The following ADCY1 variants were observed in gnomAD, a reference collection of about 807,000 sequenced individuals.
The protein encoded by ADCY1 is adenylate cyclase type 1.
Under a neutral mutation model 105.4 loss-of-function variants are expected in ADCY1, and 28 were observed. That is an observed-to-expected ratio of 0.27 (90% CI 0.20 to 0.36). The LOEUF (loss-of-function observed/expected upper bound fraction) is 0.36, where lower values mean the gene tolerates loss of function less well. Among genes scored for constraint, ADCY1 ranks in the 10% least tolerant of loss-of-function variants. The pLI, the probability that ADCY1 is intolerant of heterozygous loss-of-function variation, is 1.00. For synonymous variants in ADCY1, 655 were observed against 623.8 expected (o/e 1.05, Z -0.75); for missense variants, 977 against 1,434.2 (o/e 0.68, Z 5.15).
At chr7:45,680,886 G>C (rs1002420519) in intron 11 of ADCY1, among the ~76,000 whole-genome samples, 2 of 152,252 alleles carry the variant, frequency 1.3e-5, no homozygotes, top group African/African-American at 4.8e-5. Context: ...CATTGGGCAA[G>C]AAGAGCGATG....
Position 45,708,318 on chromosome 7 carries a change from C to T in ADCY1, c.2818-32C>T, listed in dbSNP as rs761733883. The T allele has an allele frequency of 3.9e-6, 6 of 1,548,536 alleles. No homozygotes were observed. Among genetic ancestry groups the T allele is most frequent in the Admixed American group, 3.3e-5 (2 of 59,734 alleles). On this transcript the variant is annotated intron_variant, in intron 17 of 19. Transcript: ENST00000297323. The surrounding 1 kb of genome is among the most constrained non-coding windows in gnomAD (Gnocchi z 4.7). The stretch of plus-strand genomic sequence containing the variant: ...TGGCCCCCTCTTGCCTTGCACTCCC[C>T]AGATGTAATGACCCCATCTGTTTAC...
At chr7:45,639,480 G>A (rs1321306546) in intron 4 of ADCY1, among the ~76,000 whole-genome samples, 2 of 152,194 alleles carry the variant, frequency 1.3e-5, no homozygotes, top group Admixed American at 1.3e-4. Flanking sequence ...AGACTGTGGG[G>A]CAGCATGGAG....
intron 1 of ADCY1, among the ~76,000 whole-genome samples, chr7:45,578,744 G>C (rs1244567332): frequency 6.6e-6 from 1 of 152,204 alleles, no homozygotes; most frequent in African/African-American, 2.4e-5. Flanking sequence ...GGGAGAACCA[G>C]GGTGCAGCAC....
chr7:45,659,206 A>T (rs904468364), intron 6 of ADCY1, among the ~76,000 whole-genome samples: 1 of 152,212 alleles, frequency 6.6e-6, no homozygotes, highest in African/African-American at 2.4e-5. Flanking sequence ...TCAGGATCCC[A>T]GTGAGCATGG....
chr7:45,652,543 CT>C (rs1318807469), intron 5 of ADCY1, among the ~76,000 whole-genome samples: 1 of 152,212 alleles, frequency 6.6e-6, no homozygotes, highest in Non-Finnish European at 1.5e-5. Flanking sequence ...TGTTTTATCG[CT>C]TTGAAGAATG....
At chr7:45,673,624 T>C (rs747534854) in intron 8 of ADCY1, among the ~76,000 whole-genome samples, 5 of 152,106 alleles carry the variant, frequency 3.3e-5, no homozygotes, top group African/African-American at 7.2e-5. Context: ...AAAATTTCAT[T>C]TTATTTCTGA....
intron 8 of ADCY1, among the ~76,000 whole-genome samples, chr7:45,670,965 C>T (rs1371863832): frequency 2.0e-5 from 3 of 152,252 alleles, no homozygotes; most frequent in African/African-American, 4.8e-5. Flanking sequence ...ACAAGCCCAA[C>T]CTCAGGTAGA....
At chr7:45,665,873 A>T (rs763543524) in intron 8 of ADCY1, among the ~76,000 whole-genome samples, 3 of 152,184 alleles carry the variant, frequency 2.0e-5, no homozygotes, top group Non-Finnish European at 4.4e-5. Context: ...TGGTGTCATG[A>T]ACATCTTTTT....
rs1057196816 is a variant in ADCY1 at position 45,703,050 on chromosome 7, G to A, written c.2455-326G>A. On this transcript the variant is annotated intron_variant, in intron 14 of 19. Coordinates refer to ENST00000297323, the MANE Select transcript of ADCY1 (RefSeq NM_021116.4). This position sits in a 1 kb window ranked among gnomAD's most constrained non-coding sequence, Gnocchi z 5.9. ...GGGGGCTGGTGGAGCCTGTGGATGGGCACATGCCTGAGAAAGAGTTGCTGT... is the reference window on the plus strand; with the variant it reads ...GGGGGCTGGTGGAGCCTGTGGATGGACACATGCCTGAGAAAGAGTTGCTGT... 1.3e-5 allele frequency among the ~76,000 whole-genome samples: 2 copies of A among 152,340 alleles called. No individual in the cohort carries two copies. The highest frequency in any genetic ancestry group is 2.1e-4 in the South Asian group (1 of 4,830).
chr7:45,720,126 T>C lies in ADCY1; in HGVS notation c.*6131T>C, dbSNP rs1554334011. ...CCCAGCTGAGTGTCTGTCAGCTTCA[T>C]TCTCTCTCAGCTGTGCAGTGGAAGA... On this transcript the variant is annotated 3_prime_UTR_variant, in exon 20 of 20. Coordinates refer to ENST00000297323, the MANE Select transcript of ADCY1 (RefSeq NM_021116.4). 6.6e-6 allele frequency: 1 copy of C among 152,124 alleles called. No individual in the cohort carries two copies. Among genetic ancestry groups the C allele is most frequent in the Non-Finnish European group, 1.5e-5 (1 of 68,036 alleles). The allele number at this position is 152,124 out of a possible 1,614,324, so 9.4% of individuals were successfully genotyped here. A position where few individuals can be genotyped will look rare whatever the true frequency, so the allele number is the denominator to read the frequency against.
chr7:45,585,469 G>T (rs1264682394), intron 1 of ADCY1, among the ~76,000 whole-genome samples: 1 of 129,958 alleles, frequency 7.7e-6, no homozygotes, highest in African/African-American at 2.9e-5. Flanking sequence ...TTGAGATGAA[G>T]TTTCGCTCTT....
chr7:45,576,243 C>G (rs565848865), intron 1 of ADCY1, among the ~76,000 whole-genome samples: 1 of 152,266 alleles, frequency 6.6e-6, no homozygotes, highest in African/African-American at 2.4e-5. Context: ...GGAAGAATAA[C>G]TGGGGGGCGG....
At chr7:45,636,587 C>T (rs187628900) in intron 4 of ADCY1, among the ~76,000 whole-genome samples, 1 of 152,304 alleles carries the variant, frequency 6.6e-6, no homozygotes, top group African/African-American at 2.4e-5. Context: ...CTCGCTCAGG[C>T]TGGAGTGCAG....
chr7:45,624,052 C>T (rs1793982490), intron 4 of ADCY1, among the ~76,000 whole-genome samples: 1 of 152,164 alleles, frequency 6.6e-6, no homozygotes, highest in South Asian at 2.1e-4. Flanking sequence ...AGCAAGGCAG[C>T]ATCTTTTCAG....
At position 45,634,456 on chromosome 7, in the gene ADCY1, T is replaced by C. The variant is rs142959081; in HGVS notation, c.1020+11713T>C. On this transcript the variant is annotated intron_variant, in intron 4 of 19. Transcript: ENST00000297323. ...TTTTTTTTTTTGATTCAGAAATGGA[T>C]GTTGAATTTTGTCTAATTCTTTTGC... 1.2e-3 allele frequency among the ~76,000 whole-genome samples: 175 copies of C among 151,380 alleles called. 6 individuals are homozygous for C. The East Asian group carries it at 0.024, about 21-fold the overall frequency.
At chr7:45,628,769 A>G (rs983110001) in intron 4 of ADCY1, among the ~76,000 whole-genome samples, 1 of 152,122 alleles carries the variant, frequency 6.6e-6, no homozygotes, top group African/African-American at 2.4e-5. Flanking sequence ...GTGTGGCCTA[A>G]CTAGTGCCTG....
At chr7:45,578,361 G>A (rs996608195) in intron 1 of ADCY1, among the ~76,000 whole-genome samples, 18 of 152,168 alleles carry the variant, frequency 1.2e-4, no homozygotes, top group Non-Finnish European at 2.5e-4. Context: ...TCCTCTCCCA[G>A]CCCCTTGCTT....
At chr7:45,668,337 A>C (rs565063882) in intron 8 of ADCY1, among the ~76,000 whole-genome samples, 1 of 152,316 alleles carries the variant, frequency 6.6e-6, no homozygotes, top group African/African-American at 2.4e-5. Flanking sequence ...TTTTAGCATG[A>C]AGTGCTGTTG....
At chr7:45,655,776 G>A (rs534040910) in intron 5 of ADCY1, among the ~76,000 whole-genome samples, 1 of 152,254 alleles carries the variant, frequency 6.6e-6, no homozygotes, top group Admixed American at 6.5e-5. Context: ...GGATGAAGGT[G>A]GGCATGGGTC....
Sources: allele counts gnomAD v4.1 joint callset (sites outside exome capture counted in the v4.1 genomes callset), GRCh38; gene constraint gnomAD v4.1.1; non-coding constraint Gnocchi (gnomAD v3.1); transcripts MANE v1.5; gene names NCBI Gene and HGNC (gene_info 2026-07-23, HGNC 2026-07-21).